The following GRIN2B variants were observed in gnomAD, a reference collection of about 807,000 sequenced individuals.
GRIN2B encodes glutamate receptor ionotropic, NMDA 2B.
In GRIN2B, 5 loss-of-function variants were observed where a neutral mutation model predicts 114.5. That is an observed-to-expected ratio of 0.04 (90% confidence interval 0.02 to 0.09). GRIN2B has a LOEUF of 0.09. GRIN2B is among the 10% of genes least tolerant of loss of function. GRIN2B has a pLI of 1.00. For missense variants in GRIN2B, 1,108 were observed against 1,943.5 expected, an observed-to-expected ratio of 0.57 and a Z score of 8.08; for synonymous variants, 787 against 745.1, an observed-to-expected ratio of 1.06 and a Z score of -0.92.
At chr12:13,828,433 T>C (rs978936990) in intron 3 of GRIN2B, among the ~76,000 whole-genome samples, 2 of 152,170 alleles carry the variant, frequency 1.3e-5, no homozygotes, top group Non-Finnish European at 2.9e-5. Flanking sequence ...TCACCTATAA[T>C]ATGCACAGAT....
chr12:13,757,229 A>G (rs1257336049), intron 3 of GRIN2B, among the ~76,000 whole-genome samples: 2 of 152,326 alleles, frequency 1.3e-5, no homozygotes, highest in African/African-American at 4.8e-5. Flanking sequence ...GCTTGGGCCA[A>G]TGTTTCCTGG....
In GRIN2B at chr12:13,767,917, T is replaced by C. The variant is rs1354499205; in HGVS notation, c.412-14002A>G. The stretch of plus-strand genomic sequence containing the variant: ...AAATCTTCGGTGACGAAGGGTAAGT[T>C]TGTCTCTCCTTAATTCTCTCAACTT... On this transcript the variant is annotated intron_variant, in intron 3 of 13. Transcript: ENST00000609686. Among the ~76,000 whole-genome samples the C allele has an allele frequency of 2.0e-5, 3 of 152,212 alleles. No individual in the cohort carries two copies. In the South Asian group the frequency reaches 6.2e-4, roughly 32 times the overall value.
intron 2 of GRIN2B, among the ~76,000 whole-genome samples, chr12:13,895,232 A>G (rs1866333631): frequency 6.6e-6 from 1 of 152,212 alleles, no homozygotes. Context: ...GCCAGTGGCA[A>G]AGCCGGTCTG....
intron 3 of GRIN2B, among the ~76,000 whole-genome samples, chr12:13,825,496 T>TTTTTTTTTGTGTGTGTG (rs375940899): frequency 2.4e-5 from 3 of 122,992 alleles, no homozygotes. Context: ...TATATATATT[T>TTTTTTTTTGTGTGTGTG]TGTGTGTGTG....
chr12:13,855,615 C>T (rs1301960645), intron 3 of GRIN2B, among the ~76,000 whole-genome samples: 1 of 152,176 alleles, frequency 6.6e-6, no homozygotes, highest in African/African-American at 2.4e-5. Flanking sequence ...CAACTACCAC[C>T]TCTATCTCTC....
chr12:13,975,778 A>G (rs1230921790), intron 2 of GRIN2B, among the ~76,000 whole-genome samples: 1 of 152,222 alleles, frequency 6.6e-6, no homozygotes, highest in Non-Finnish European at 1.5e-5. Context: ...TTAGGGAAAC[A>G]GGGCATATAA....
chr12:13,826,058 GTTTTTT>G (rs969640156), intron 3 of GRIN2B, among the ~76,000 whole-genome samples: 1 of 150,802 alleles, frequency 6.6e-6, no homozygotes, highest in African/African-American at 2.4e-5. Flanking sequence ...TGAATTGACT[GTTTTTT>G]TAGAGTTCTG....
rs201369489 is a variant in GRIN2B at position 13,608,779 on chromosome 12, G to A, written c.1834C>T (p.Leu612=). 6.2e-7 allele frequency: 1 copy of A among 1,614,136 alleles called. No homozygotes were observed. Among genetic ancestry groups the A allele is most frequent in the Non-Finnish European group, 8.5e-7 (1 of 1,180,006 alleles). The part of the protein sequence containing the change: ...IGKAIWLLWG[L]VFNNSVPVQN... ...ACAGGTACGGAGTTGTTAAACACCAGACCCCAGAGCAACCAAATAGCTTTG... is the reference window on the plus strand; with the variant it reads ...ACAGGTACGGAGTTGTTAAACACCAAACCCCAGAGCAACCAAATAGCTTTG... The change falls in exon 10 of 14, where the codon CTG becomes TTG. Residue 612 remains leucine (L), a synonymous_variant. Transcript: ENST00000609686.
intron 10 of GRIN2B, among the ~76,000 whole-genome samples, chr12:13,573,462 G>T (rs1258541512): frequency 2.0e-5 from 3 of 149,010 alleles, no homozygotes; most frequent in Non-Finnish European, 4.5e-5. Flanking sequence ...AAAATAAAGT[G>T]CTTGGCACAG....
chr12:13,716,009 A>G (rs951919182), intron 4 of GRIN2B, among the ~76,000 whole-genome samples: 9 of 151,934 alleles, frequency 5.9e-5, no homozygotes, highest in Admixed American at 2.0e-4. Context: ...TTCATGATCT[A>G]AGTCCAAAAA....
rs1305504554 is a variant in GRIN2B, at chr12:13,575,975, A to C, written c.2011-4011T>G. On this transcript the variant is annotated intron_variant, in intron 10 of 13. Coordinates refer to ENST00000609686, the MANE Select transcript of GRIN2B (RefSeq NM_000834.5). The stretch of plus-strand genomic sequence containing the variant: ...AAGTTCTAACATTTAAAATTGTCCT[A>C]TGTAAGGCAATGTTCCCTAAGTTTG... 2.0e-5 allele frequency among the ~76,000 whole-genome samples: 3 copies of C among 152,186 alleles called. No homozygotes were observed. In the East Asian group the frequency reaches 5.8e-4, roughly 29 times the overall value.
At chr12:13,608,233 C>T (rs1408480904) in intron 10 of GRIN2B, among the ~76,000 whole-genome samples, 1 of 152,176 alleles carries the variant, frequency 6.6e-6, no homozygotes, top group Non-Finnish European at 1.5e-5. Context: ...CATCATGCGC[C>T]CATCTCCTCG....
intron 3 of GRIN2B, among the ~76,000 whole-genome samples, chr12:13,761,821 AAAATG>A (rs1204989015): frequency 1.3e-5 from 2 of 152,216 alleles, no homozygotes; most frequent in Non-Finnish European, 2.9e-5. Context: ...AGGTTGGAAA[AAAATG>A]AAATGAATAG....
At chr12:13,858,311 C>T (rs989579837) in intron 3 of GRIN2B, among the ~76,000 whole-genome samples, 4 of 151,994 alleles carry the variant, frequency 2.6e-5, no homozygotes, top group African/African-American at 7.2e-5. Flanking sequence ...CTTCTTTGTC[C>T]GTGTAAAATA....
intron 3 of GRIN2B, among the ~76,000 whole-genome samples, chr12:13,804,531 T>C (rs142104188): frequency 1.4e-4 from 22 of 152,234 alleles, no homozygotes; most frequent in African/African-American, 4.6e-4. Context: ...TATTTGGTTG[T>C]CCTGGTCCCT....
chr12:13,749,676 G>A (rs760130810), intron 4 of GRIN2B, among the ~76,000 whole-genome samples: 1 of 152,312 alleles, frequency 6.6e-6, no homozygotes. Flanking sequence ...TGAAGGGGTG[G>A]AGAGTCTGAT....
At chr12:13,702,844 C>G (rs4764028) in intron 4 of GRIN2B, among the ~76,000 whole-genome samples, 118,879 of 152,092 alleles carry the variant, frequency 0.78, 46,827 homozygotes, top group Middle Eastern at 0.87. Context: ...CCATTCCTTA[C>G]AGCTAAAGTC....
intron 4 of GRIN2B, among the ~76,000 whole-genome samples, chr12:13,706,297 T>C (rs965129722): frequency 6.6e-6 from 1 of 152,146 alleles, no homozygotes; most frequent in Non-Finnish European, 1.5e-5. Context: ...AAGGACTGAA[T>C]AGACATAAGA....
intron 10 of GRIN2B, among the ~76,000 whole-genome samples, chr12:13,599,773 A>C (rs1396551774): frequency 2.0e-5 from 3 of 152,154 alleles, no homozygotes; most frequent in Non-Finnish European, 4.4e-5. Flanking sequence ...AATAGATTTG[A>C]AATTTGGTGG....
Sources: allele counts gnomAD v4.1 joint callset (sites outside exome capture counted in the v4.1 genomes callset), GRCh38; gene constraint gnomAD v4.1.1; transcripts MANE v1.5; gene names NCBI Gene and HGNC (gene_info 2026-07-23, HGNC 2026-07-21).